Variants in PLCE1 observed in about 807,000 individuals in gnomAD.
PLCE1 encodes the protein phospholipase C epsilon 1.
A neutral mutation model predicts 242.8 loss-of-function variants in PLCE1; 119 were observed. The ratio of observed to expected loss-of-function variants is 0.49; its 90% CI spans 0.42 to 0.57. PLCE1 has a LOEUF of 0.57. Among genes scored for constraint, PLCE1 ranks in the 20% least tolerant of loss-of-function variants. The probability of loss-of-function intolerance (pLI) is 0.00; values close to 1 mark genes in which losing one functional copy is unlikely to be tolerated. For synonymous variants in PLCE1, 945 were observed against 1,017.4 expected, an observed-to-expected ratio of 0.93 and a Z score of 1.35; for missense variants, 2,441 against 2,788.8, an observed-to-expected ratio of 0.88 and a Z score of 2.81.
intron 1 of PLCE1, among the ~76,000 whole-genome samples, chr10:94,025,688 CA>C (rs2134425223): frequency 6.6e-6 from 1 of 152,248 alleles, no homozygotes; most frequent in East Asian, 1.9e-4. Flanking sequence ...AAATCTTTAT[CA>C]GACGGATCCA....
At chr10:94,241,658 C>T (rs1015311666) in intron 7 of PLCE1, among the ~76,000 whole-genome samples, 38 of 152,094 alleles carry the variant, frequency 2.5e-4, no homozygotes, top group African/African-American at 8.4e-4. Context: ...GGTGTGGTGG[C>T]GGGCACCTGT....
intron 11 of PLCE1, among the ~76,000 whole-genome samples, chr10:94,257,483 C>T (rs184334845): frequency 2.1e-4 from 32 of 152,222 alleles, no homozygotes; most frequent in African/African-American, 3.1e-4. Flanking sequence ...ATGTTTATTG[C>T]GGCACTATTC....
intron 4 of PLCE1, among the ~76,000 whole-genome samples, chr10:94,177,328 C>A (rs2048157454): frequency 6.6e-6 from 1 of 152,206 alleles, no homozygotes; most frequent in South Asian, 2.1e-4. Flanking sequence ...TCCCCCTTCT[C>A]ATGCCCTATT....
At chr10:94,307,114 T>G (rs1241466439) in intron 26 of PLCE1, among the ~76,000 whole-genome samples, 3 of 152,170 alleles carry the variant, frequency 2.0e-5, no homozygotes, top group Non-Finnish European at 2.9e-5. Context: ...GGGTTTCAGG[T>G]GCAGGAAGAG....
intron 8 of PLCE1, among the ~76,000 whole-genome samples, chr10:94,247,564 C>T (rs1382757527): frequency 6.6e-6 from 1 of 152,098 alleles, no homozygotes; most frequent in Non-Finnish European, 1.5e-5. Context: ...TTGGAGAGTT[C>T]TTTAACTTAC....
intron 3 of PLCE1, among the ~76,000 whole-genome samples, chr10:94,141,545 GGCT>G (rs1317805024): frequency 3.8e-5 from 5 of 130,030 alleles, no homozygotes; most frequent in African/African-American, 1.4e-4. Context: ...GTGAAGGGAA[GGCT>G]AAGGGAAGGT....
At chr10:94,150,055 C>A (rs974791531) in intron 3 of PLCE1, among the ~76,000 whole-genome samples, 2 of 152,164 alleles carry the variant, frequency 1.3e-5, no homozygotes, top group African/African-American at 2.4e-5. Context: ...GTATAAATGA[C>A]CTATTTACCC....
chr10:94,029,516 G>A (rs2134468386), intron 1 of PLCE1, among the ~76,000 whole-genome samples: 1 of 152,268 alleles, frequency 6.6e-6, no homozygotes, highest in African/African-American at 2.4e-5. Context: ...AGTTATTGCT[G>A]TGTGATAGGA....
chr10:94,036,615 A>G (rs544516869), intron 2 of PLCE1, among the ~76,000 whole-genome samples: 1 of 152,306 alleles, frequency 6.6e-6, no homozygotes, highest in Admixed American at 6.5e-5. Context: ...TTATCCAGTT[A>G]CAGTCATACT....
chr10:94,285,238 T>A (rs1354104743), intron 22 of PLCE1, among the ~76,000 whole-genome samples: 1 of 152,200 alleles, frequency 6.6e-6, no homozygotes, highest in Non-Finnish European at 1.5e-5. Flanking sequence ...TTCTAATTGC[T>A]AAATGTATTA....
At chr10:94,139,070 G>A (rs1806920) in intron 3 of PLCE1, 66,625 of 152,550 alleles carry the variant, frequency 0.44, 15,585 homozygotes, top group Non-Finnish European at 0.53. Context: ...ATCACCTGAG[G>A]TCAGGAGTTC....
intron 2 of PLCE1, among the ~76,000 whole-genome samples, chr10:94,076,017 G>T (rs925666888): frequency 6.6e-6 from 1 of 152,160 alleles, no homozygotes; most frequent in Non-Finnish European, 1.5e-5. Flanking sequence ...ATGGCACCTT[G>T]GAGAGGTTAA....
chr10:94,326,765 A>G (rs1035159864), intron 32 of PLCE1, among the ~76,000 whole-genome samples: 3 of 152,186 alleles, frequency 2.0e-5, no homozygotes, highest in Non-Finnish European at 4.4e-5. Context: ...GCAAGTAGAT[A>G]TTTATTTTTT....
At chr10:94,159,648 A>C (rs1425714588) in intron 3 of PLCE1, among the ~76,000 whole-genome samples, 1 of 152,186 alleles carries the variant, frequency 6.6e-6, no homozygotes, top group Non-Finnish European at 1.5e-5. Flanking sequence ...TTTAAGTTTT[A>C]GGGTACATGT....
intron 2 of PLCE1, among the ~76,000 whole-genome samples, chr10:94,046,361 C>T (rs2061883221): frequency 2.6e-5 from 4 of 152,170 alleles, no homozygotes; most frequent in Admixed American, 2.6e-4. Flanking sequence ...CTGAGCCCAG[C>T]AGGAGGGGCC....
At chr10:94,217,128 T>C (rs2049555430) in intron 4 of PLCE1, among the ~76,000 whole-genome samples, 1 of 151,510 alleles carries the variant, frequency 6.6e-6, no homozygotes, top group African/African-American at 2.4e-5. Flanking sequence ...ACTTTGCAGG[T>C]GTGTAACCTT....
intron 4 of PLCE1, among the ~76,000 whole-genome samples, chr10:94,176,855 G>T (rs780452468): frequency 2.0e-5 from 3 of 152,178 alleles, no homozygotes; most frequent in Non-Finnish European, 2.9e-5. Flanking sequence ...AACAGAGAAG[G>T]CTGGGGTGTC....
intron 1 of PLCE1, among the ~76,000 whole-genome samples, chr10:94,008,455 C>T (rs1441850340): frequency 2.6e-5 from 4 of 152,042 alleles, no homozygotes; most frequent in Non-Finnish European, 2.9e-5. Context: ...ATTACAGGTG[C>T]GTGCTACCAC....
chr10:94,316,484 A>T, intron 28 of PLCE1, 63 bp from the exon 29 acceptor site: 2 of 1,029,398 alleles, frequency 1.9e-6, no homozygotes, highest in Non-Finnish European at 1.5e-6. Flanking sequence ...TCTGAACACC[A>T]TGAAAGTTGA....
Sources: gnomAD v4.1 joint callset for allele counts (sites outside exome capture counted in the v4.1 genomes callset) on GRCh38, gnomAD v4.1.1 for gene constraint, MANE v1.5 for transcripts, NCBI Gene and HGNC (gene_info 2026-07-23, HGNC 2026-07-21) for gene names.